GPA33: variants seen among roughly 807,000 people sequenced by gnomAD.
The protein encoded by GPA33 is glycoprotein A33, also known as cell surface A33 antigen.
A neutral mutation model predicts 35.6 loss-of-function variants in GPA33; 27 were observed. The observed-to-expected ratio is 0.76, with a 90% CI of 0.56 to 1.04. The LOEUF is 1.04. Among genes scored for constraint, GPA33 ranks in the 50% least tolerant of loss-of-function variants. GPA33 has a pLI of 0.00. For synonymous variants in GPA33, 176 were observed against 164.0 expected (o/e 1.07, Z -0.56); for missense variants, 428 against 411.9 (o/e 1.04, Z -0.34).
chr1:167,086,193 T>C (rs545509238), intron 1 of GPA33, among the ~76,000 whole-genome samples: 37 of 152,380 alleles, frequency 2.4e-4, no homozygotes, highest in Admixed American at 7.8e-4. Context: ...CTACAAGCAC[T>C]GGCTTCTGAC....
intron 1 of GPA33, among the ~76,000 whole-genome samples, chr1:167,075,879 T>C (rs1302697700): frequency 6.6e-6 from 1 of 152,164 alleles, no homozygotes; most frequent in Non-Finnish European, 1.5e-5. Context: ...GAAAAGTTTC[T>C]TGAAAGCAAA....
At chr1:167,072,027 C>A (rs1479894017) in intron 2 of GPA33, among the ~76,000 whole-genome samples, 2 of 152,186 alleles carry the variant, frequency 1.3e-5, no homozygotes, top group African/African-American at 4.8e-5. Flanking sequence ...AAGCTAAAGG[C>A]AGCAGCTCCC....
intron 2 of GPA33, among the ~76,000 whole-genome samples, chr1:167,072,559 A>C (rs753364485): frequency 6.6e-6 from 1 of 152,204 alleles, no homozygotes; most frequent in Non-Finnish European, 1.5e-5. Flanking sequence ...TTATATATGT[A>C]TATATAGAGA....
chr1:167,079,569 G>C (rs1413378551), intron 1 of GPA33, among the ~76,000 whole-genome samples: 1 of 151,916 alleles, frequency 6.6e-6, no homozygotes, highest in Non-Finnish European at 1.5e-5. Context: ...TTGTAAACCT[G>C]AGAAGCATCT....
intron 1 of GPA33, among the ~76,000 whole-genome samples, chr1:167,081,140 G>A (rs1267132615): frequency 1.3e-5 from 2 of 152,186 alleles, no homozygotes; most frequent in East Asian, 3.8e-4. Flanking sequence ...GATAATAAAC[G>A]GTCTCTTGAG....
chr1:167,053,003 G>T lies in GPA33; in HGVS notation c.*1331C>A, dbSNP rs746321624. 2.0e-5 allele frequency: 3 copies of T among 152,188 alleles called. No homozygotes were observed. Among genetic ancestry groups the T allele is most frequent in the Non-Finnish European group, 4.4e-5 (3 of 68,026 alleles). 9.4% of individuals were successfully genotyped at this position (152,188 alleles called of 1,614,324 possible). A position where few individuals can be genotyped will look rare whatever the true frequency, so the allele number is the denominator to read the frequency against. On this transcript the variant is annotated 3_prime_UTR_variant, in exon 7 of 7. Transcript: ENST00000367868. Reference sequence around the variant, plus strand: ...GAAAAGATAGCAATAGTAAACTGCAGTTGGGTGAGACCAGCCACTGGTCCA... The same window carrying T: ...GAAAAGATAGCAATAGTAAACTGCATTTGGGTGAGACCAGCCACTGGTCCA...
chr1:167,089,504 A>G (rs1379965504), intron 1 of GPA33, among the ~76,000 whole-genome samples: 1 of 152,158 alleles, frequency 6.6e-6, no homozygotes, highest in African/African-American at 2.4e-5. Flanking sequence ...TTTCCTTCCA[A>G]TGCCCAGCAA....
intron 2 of GPA33, among the ~76,000 whole-genome samples, chr1:167,070,797 T>TATGA (rs1666702928): frequency 6.6e-6 from 1 of 151,920 alleles, no homozygotes; most frequent in South Asian, 2.1e-4. Flanking sequence ...AGTATGAAAG[T>TATGA]GGGGGCACCA....
intron 1 of GPA33, among the ~76,000 whole-genome samples, chr1:167,073,751 C>T (rs1666767850): frequency 6.6e-6 from 1 of 152,164 alleles, no homozygotes; most frequent in Admixed American, 6.5e-5. Flanking sequence ...CACCTGACTC[C>T]ACCCCACAGC....
At chr1:167,071,820 G>A (rs950195686) in intron 2 of GPA33, among the ~76,000 whole-genome samples, 6 of 152,258 alleles carry the variant, frequency 3.9e-5, no homozygotes, top group South Asian at 2.1e-4. Context: ...TTGAGGGGCC[G>A]TATTTAAATC....
chr1:167,084,521 T>A (rs895463748), intron 1 of GPA33, among the ~76,000 whole-genome samples: 2 of 152,234 alleles, frequency 1.3e-5, no homozygotes, highest in Admixed American at 6.5e-5. Flanking sequence ...CTCAATAGAC[T>A]ATGGCAGAAG....
chr1:167,057,794 C>G (rs888596510), intron 4 of GPA33, among the ~76,000 whole-genome samples: 1 of 152,172 alleles, frequency 6.6e-6, no homozygotes, highest in Non-Finnish European at 1.5e-5. Context: ...TAACTGGAGG[C>G]TTAAAGAAGT....
intron 1 of GPA33, among the ~76,000 whole-genome samples, 166 bp from the exon 2 acceptor site, chr1:167,073,705 A>G (rs180715761): frequency 6.6e-6 from 1 of 152,278 alleles, no homozygotes; most frequent in East Asian, 1.9e-4. Flanking sequence ...CTTCTCCTCC[A>G]AGACTGCGAT....
At chr1:167,056,730 G>GGGGCA (rs1320260924) in intron 4 of GPA33, among the ~76,000 whole-genome samples, 1 of 146,088 alleles carries the variant, frequency 6.8e-6, no homozygotes, top group African/African-American at 2.5e-5. Flanking sequence ...AGTGTGTGAT[G>GGGGCA]TATGTGGTGT....
chr1:167,057,025 G>A (rs1426987590), intron 4 of GPA33, among the ~76,000 whole-genome samples: 2 of 151,180 alleles, frequency 1.3e-5, no homozygotes, highest in Non-Finnish European at 1.5e-5. Context: ...GATGTGTGGT[G>A]TGTGTTGCAT....
At chr1:167,075,319 G>A (rs866891321) in intron 1 of GPA33, among the ~76,000 whole-genome samples, 1 of 152,148 alleles carries the variant, frequency 6.6e-6, no homozygotes, top group African/African-American at 2.4e-5. Context: ...GTCCAGATGA[G>A]GGCTAATGTC....
chr1:167,061,586 GTTTTTTTTTTTTT>G (rs397981830), intron 4 of GPA33, among the ~76,000 whole-genome samples: 4 of 74,626 alleles, frequency 5.4e-5, no homozygotes, highest in Non-Finnish European at 7.1e-5. Context: ...TCTACTAACT[GTTTTTTTTTTTTT>G]TTTTTTTTTT....
chr1:167,054,071 T>C lies in GPA33; in HGVS notation c.*263A>G, dbSNP rs1052924199. ...TACGAGGGAAGTGGAGGCTGCAGCC[T>C]GGTCTTGAGTGAGGGCCAGGCCCGC... On this transcript the variant is annotated 3_prime_UTR_variant, in exon 7 of 7. Transcript: ENST00000367868. The C allele has an allele frequency of 6.2e-5, 30 of 481,452 alleles. No individual in the cohort carries two copies. Among genetic ancestry groups the C allele is most frequent in the Non-Finnish European group, 9.7e-5 (26 of 267,670 alleles). 29.8% of individuals were successfully genotyped at this position (481,452 alleles called of 1,614,324 possible). A position where few individuals can be genotyped will look rare whatever the true frequency, so the allele number is the denominator to read the frequency against.
Position 167,054,391 on chromosome 1 carries a change from G to A in GPA33, c.903C>T (p.Tyr301=), listed in dbSNP as rs1305727750. ...CAGTGCTCCTCTGCTCTTCTTGCCT[G>A]TAGTCATCCTCCTCCTCCCTCTCTC... ...LSREREEEDD[Y]RQEEQRSTGR... The change falls in exon 7 of 7, where the codon TAC becomes TAT. Residue 301 remains tyrosine (Y), a synonymous_variant. Transcript: ENST00000367868. 6.2e-7 allele frequency: 1 copy of A among 1,614,114 alleles called. No individual in the cohort carries two copies. The highest frequency in any genetic ancestry group is 8.5e-7 in the Non-Finnish European group (1 of 1,180,018).
Sources: gnomAD v4.1 joint callset for allele counts (sites outside exome capture counted in the v4.1 genomes callset) on GRCh38, gnomAD v4.1.1 for gene constraint, MANE v1.5 for transcripts, NCBI Gene and HGNC (gene_info 2026-07-23, HGNC 2026-07-21) for gene names.